RBFOX1: variants seen among roughly 807,000 people sequenced by gnomAD.
The protein encoded by RBFOX1 is RNA binding protein fox-1 homolog 1.
RBFOX1 carries 8 observed loss-of-function variants against 57.7 expected under a neutral mutation model. The ratio of observed to expected loss-of-function variants is 0.14; its 90% CI spans 0.08 to 0.25. RBFOX1 has a LOEUF of 0.25. Ranked by LOEUF, RBFOX1 falls within the 10% of genes least tolerant of loss-of-function variation. RBFOX1 has a pLI of 1.00. For synonymous variants in RBFOX1, 326 were observed against 222.4 expected (o/e 1.47, Z -4.15); for missense variants, 611 against 548.5 (o/e 1.11, Z -1.14).
chr16:5,449,232 T>C (rs7189048), intron 1 of RBFOX1, among the ~76,000 whole-genome samples: 99,985 of 151,810 alleles, frequency 0.66, 33,064 homozygotes, highest in African/African-American at 0.72. Context: ...AGTTGCTCTG[T>C]AATTGGCCTT....
intron 1 of RBFOX1, among the ~76,000 whole-genome samples, chr16:6,067,485 C>T (rs896361658): frequency 2.0e-5 from 3 of 152,122 alleles, no homozygotes; most frequent in Non-Finnish European, 2.9e-5. Context: ...AATCACTAAC[C>T]GTACTTGTCT....
chr16:7,554,058 A>G (rs1043283221), intron 5 of RBFOX1, among the ~76,000 whole-genome samples: 4 of 152,148 alleles, frequency 2.6e-5, no homozygotes, highest in Non-Finnish European at 5.9e-5. Context: ...GCAGCGAACT[A>G]TGATCGGAAC....
chr16:5,796,538 G>T (rs78166347), intron 3 of RBFOX1, among the ~76,000 whole-genome samples: 1 of 148,868 alleles, frequency 6.7e-6, no homozygotes, highest in South Asian at 2.2e-4. Flanking sequence ...GGATGAAGCA[G>T]GGCTGTATCA....
At chr16:7,120,027 G>GAA (rs2066764669) in intron 4 of RBFOX1, among the ~76,000 whole-genome samples, 1 of 140,558 alleles carries the variant, frequency 7.1e-6, no homozygotes, top group African/African-American at 2.5e-5. Context: ...AGTTAAGCTG[G>GAA]AAATCAGTAA....
intron 4 of RBFOX1, among the ~76,000 whole-genome samples, chr16:6,001,870 C>T (rs1439363243): frequency 1.3e-5 from 2 of 151,880 alleles, no homozygotes; most frequent in East Asian, 3.9e-4. Flanking sequence ...CCTCTGAGGC[C>T]CTCCTCATTC....
At chr16:7,229,307 C>G (rs1378047969) in intron 4 of RBFOX1, among the ~76,000 whole-genome samples, 2 of 152,046 alleles carry the variant, frequency 1.3e-5, no homozygotes, top group East Asian at 3.9e-4. Flanking sequence ...CTGAGATGGC[C>G]CAAATTTCCT....
chr16:5,790,750 C>T (rs879492907), intron 3 of RBFOX1, among the ~76,000 whole-genome samples: 1 of 152,116 alleles, frequency 6.6e-6, no homozygotes, highest in African/African-American at 2.4e-5. Flanking sequence ...TGGGTGCGTG[C>T]TCTGCATCAC....
intron 2 of RBFOX1, among the ~76,000 whole-genome samples, chr16:6,557,480 A>G (rs1326372128): frequency 6.6e-6 from 1 of 152,186 alleles, no homozygotes; most frequent in Non-Finnish European, 1.5e-5. Flanking sequence ...CTGTCTTGTG[A>G]TTTAACATCC....
chr16:6,673,632 CA>C (rs2098781962), intron 3 of RBFOX1, among the ~76,000 whole-genome samples: 1 of 152,034 alleles, frequency 6.6e-6, no homozygotes, highest in Non-Finnish European at 1.5e-5. Context: ...GTATTGAACA[CA>C]AAGTAATGAA....
intron 1 of RBFOX1, among the ~76,000 whole-genome samples, chr16:5,327,650 C>T (rs1021426350): frequency 4.6e-5 from 7 of 152,184 alleles, no homozygotes; most frequent in African/African-American, 1.7e-4. Flanking sequence ...ATGCCAAGGG[C>T]CAGAGCTTCC....
intron 3 of RBFOX1, among the ~76,000 whole-genome samples, chr16:6,948,096 C>A (rs2079928372): frequency 6.6e-6 from 1 of 152,024 alleles, no homozygotes; most frequent in African/African-American, 2.4e-5. Flanking sequence ...TTCTCATTTT[C>A]TTCTGCGGTT....
chr16:6,673,677 C>T lies in RBFOX1; in HGVS notation c.-16+19027C>T, dbSNP rs114865154. On this transcript the variant is annotated intron_variant, in intron 3 of 15. Transcript: ENST00000550418. ...CTGACTTGCCGGGGTGGAGGACCAGCTTCATGATGGGTTCTGTGACCCATG... is the reference window on the plus strand; with the variant it reads ...CTGACTTGCCGGGGTGGAGGACCAGTTTCATGATGGGTTCTGTGACCCATG... Among the ~76,000 whole-genome samples, 719 of 152,212 alleles carry T rather than the reference C, an allele frequency of 4.7e-3. 8 individuals carry two copies. Among genetic ancestry groups the T allele is most frequent in the African/African-American group, 0.016 (681 of 41,520 alleles).
intron 3 of RBFOX1, among the ~76,000 whole-genome samples, chr16:6,996,331 C>G (rs1008183011): frequency 6.6e-6 from 1 of 152,054 alleles, no homozygotes; most frequent in Non-Finnish European, 1.5e-5. Flanking sequence ...ATTTGATATT[C>G]GGACAGCTCT....
At chr16:6,911,106 C>T (rs1596973265) in intron 3 of RBFOX1, among the ~76,000 whole-genome samples, 1 of 151,412 alleles carries the variant, frequency 6.6e-6, no homozygotes, top group East Asian at 1.9e-4. Context: ...GAGGCTGAGG[C>T]AGGACAATCG....
chr16:7,196,042 C>G (rs980526329), intron 4 of RBFOX1, among the ~76,000 whole-genome samples: 1 of 152,026 alleles, frequency 6.6e-6, no homozygotes, highest in Non-Finnish European at 1.5e-5. Context: ...TCATATTTCC[C>G]AGCCTCCCAT....
At position 7,623,993 on chromosome 16, in the gene RBFOX1, G is replaced by C. The variant is rs542054329; in HGVS notation, c.677-6610G>C. 2.6e-5 allele frequency among the ~76,000 whole-genome samples: 4 copies of C among 152,302 alleles called. No homozygotes were observed. The South Asian group carries it at 8.3e-4, about 32-fold the overall frequency. ...AGCATTTAAAAATGATTCTACAACAGTGGACTGAAGGAAGGACTCGATGAA... is the reference window on the plus strand; with the variant it reads ...AGCATTTAAAAATGATTCTACAACACTGGACTGAAGGAAGGACTCGATGAA... On this transcript the variant is annotated intron_variant, in intron 10 of 15. Transcript: ENST00000550418.
rs537049814 is a variant in RBFOX1 at position 5,322,149 on chromosome 16, C to T, written c.219+82044C>T. The stretch of plus-strand genomic sequence containing the variant: ...AAGCTCTGAGTCATATTTTCCAGGT[C>T]TTGCTTGGCTCTTAACAGAAAGCTA... On this transcript the variant is annotated intron_variant, in intron 1 of 2. Transcript: ENST00000585867. 2.6e-5 allele frequency among the ~76,000 whole-genome samples: 4 copies of T among 152,306 alleles called. No homozygotes were observed. The South Asian group carries it at 6.2e-4, about 24-fold the overall frequency.
chr16:6,564,767 A>G (rs558338130), intron 2 of RBFOX1, among the ~76,000 whole-genome samples: 1 of 152,246 alleles, frequency 6.6e-6, no homozygotes, highest in African/African-American at 2.4e-5. Flanking sequence ...GATTGCGGTA[A>G]TCATTACACA....
chr16:5,965,690 C>T (rs1469971686), intron 4 of RBFOX1, among the ~76,000 whole-genome samples: 1 of 152,176 alleles, frequency 6.6e-6, no homozygotes, highest in African/African-American at 2.4e-5. Context: ...TCCCTAAACC[C>T]TGCCTCATCT....
Sources: gnomAD v4.1 joint callset for allele counts (sites outside exome capture counted in the v4.1 genomes callset) on GRCh38, gnomAD v4.1.1 for gene constraint, MANE v1.5 for transcripts, NCBI Gene and HGNC (gene_info 2026-07-23, HGNC 2026-07-21) for gene names.